The following SLC43A2 variants were observed in gnomAD, a reference collection of about 807,000 sequenced individuals.
The protein encoded by SLC43A2 is large neutral amino acids transporter small subunit 4.
A neutral mutation model predicts 63.2 loss-of-function variants in SLC43A2; 38 were observed. The observed-to-expected ratio is 0.60, with a 90% CI of 0.46 to 0.79. The LOEUF (loss-of-function observed/expected upper bound fraction) is 0.79, where lower values mean the gene tolerates loss of function less well. SLC43A2 is among the 30% of genes least tolerant of loss of function. The probability of loss-of-function intolerance (pLI) is 0.00; values close to 1 mark genes in which losing one functional copy is unlikely to be tolerated. For missense variants in SLC43A2, 644 were observed against 756.2 expected, an observed-to-expected ratio of 0.85 and a Z score of 1.74; for synonymous variants, 322 against 331.0, an observed-to-expected ratio of 0.97 and a Z score of 0.30.
chr17:1,605,659 C>T lies in SLC43A2; in HGVS notation c.501+7536G>A, dbSNP rs886121167. Among the ~76,000 whole-genome samples, 23 of 152,020 alleles carry T rather than the reference C, an allele frequency of 1.5e-4. No homozygotes were observed. The highest frequency in any genetic ancestry group is 2.9e-4 in the Non-Finnish European group (20 of 67,996). Reference sequence around the variant, plus strand: ...GGCATTCTGGCCCTCGGGTCCCCTCCAGAGGGAGCCTTGTCCCCAAGTGGC... The same window carrying T: ...GGCATTCTGGCCCTCGGGTCCCCTCTAGAGGGAGCCTTGTCCCCAAGTGGC... On this transcript the variant is annotated intron_variant, in intron 5 of 13. Coordinates refer to ENST00000301335, the MANE Select transcript of SLC43A2 (RefSeq NM_152346.3). The surrounding 1 kb of genome is among the most constrained non-coding windows in gnomAD (Gnocchi z 4.9).
At chr17:1,618,513 G>A (rs1369637916) in intron 2 of SLC43A2, among the ~76,000 whole-genome samples, 1 of 152,240 alleles carries the variant, frequency 6.6e-6, no homozygotes, top group African/African-American at 2.4e-5. Flanking sequence ...AGCTGGCACA[G>A]AGCCGGATGC....
At position 1,578,428 on chromosome 17, in the gene SLC43A2, C is replaced by T. The variant is rs1290600866; in HGVS notation, c.1351-105G>A. 6.2e-6 allele frequency: 7 copies of T among 1,127,508 alleles called. No individual in the cohort carries two copies. The highest frequency in any genetic ancestry group is 3.1e-5 in the African/African-American group (2 of 64,368). The allele number at this position is 1,127,508 out of a possible 1,614,324, so 69.8% of individuals were successfully genotyped here. A position where few individuals can be genotyped will look rare whatever the true frequency, so the allele number is the denominator to read the frequency against. ...CCCTCACCCCAGGGGCAGTGTCAGC[C>T]TGGAGTTGGATCAACCCCATCCTCC... On this transcript the variant is annotated intron_variant, in intron 11 of 13. Coordinates refer to ENST00000301335, the MANE Select transcript of SLC43A2 (RefSeq NM_152346.3). This position sits in a 1 kb window ranked among gnomAD's most constrained non-coding sequence, Gnocchi z 6.5.
chr17:1,618,644 A>C (rs2151077895), intron 2 of SLC43A2, among the ~76,000 whole-genome samples: 2 of 152,334 alleles, frequency 1.3e-5, no homozygotes, highest in Admixed American at 1.3e-4. Context: ...CTGTGTCCCC[A>C]GTATCTCACC....
At chr17:1,584,385 G>T (rs2076069110) in intron 10 of SLC43A2, among the ~76,000 whole-genome samples, 1 of 152,106 alleles carries the variant, frequency 6.6e-6, no homozygotes, top group African/African-American at 2.4e-5. Context: ...TCCCTCATCT[G>T]TAAAATGGGT....
intron 11 of SLC43A2, among the ~76,000 whole-genome samples, chr17:1,579,513 G>A (rs6502796): frequency 0.85 from 128,411 of 151,500 alleles, 55,140 homozygotes; most frequent in Middle Eastern, 0.96. Flanking sequence ...TTATATTAAA[G>A]TAAAGGTAAT....
At chr17:1,613,351 G>T in intron 4 of SLC43A2, 80 bp from the exon 5 acceptor site, 1 of 1,287,776 alleles carries the variant, frequency 7.8e-7, no homozygotes, top group Non-Finnish European at 1.1e-6. Context: ...AGTCCTGCGC[G>T]GTGCAGGCTC....
intron 4 of SLC43A2, 34 bp downstream of exon 4, chr17:1,614,945 T>A: frequency 6.2e-7 from 1 of 1,610,008 alleles, no homozygotes; most frequent in Non-Finnish European, 8.5e-7. Flanking sequence ...CTCTCCCCGG[T>A]CCCTGACAGA....
At position 1,583,544 on chromosome 17, in the gene SLC43A2, G is replaced by T; in HGVS notation, c.1218-208C>A. On this transcript the variant is annotated intron_variant, in intron 10 of 13. Transcript: ENST00000301335. This position sits in a 1 kb window ranked among gnomAD's most constrained non-coding sequence, Gnocchi z 5.5. Reference sequence around the variant, plus strand: ...AGTGGCAAGCTGAGTGTGACTCTCGGAGGGGGTCTCGGGTACAAGAAGATG... The same window carrying T: ...AGTGGCAAGCTGAGTGTGACTCTCGTAGGGGGTCTCGGGTACAAGAAGATG... 1 of 758,690 alleles carries T rather than the reference G, an allele frequency of 1.3e-6. No homozygotes were observed. Among genetic ancestry groups the T allele is most frequent in the Non-Finnish European group, 2.0e-6 (1 of 492,692 alleles). 47.0% of individuals were successfully genotyped at this position (758,690 alleles called of 1,614,324 possible).
At position 1,605,432 on chromosome 17, in the gene SLC43A2, G is replaced by A. The variant is rs916613348; in HGVS notation, c.501+7763C>T. 6.6e-6 allele frequency among the ~76,000 whole-genome samples: 1 copy of A among 152,184 alleles called. No individual in the cohort carries two copies. Among genetic ancestry groups the A allele is most frequent in the Non-Finnish European group, 1.5e-5 (1 of 68,034 alleles). ...CTTCTCTAAGATGCCGGACGTACGT[G>A]CCTTTTGGCCCAGGGCAGGCCATGG... On this transcript the variant is annotated intron_variant, in intron 5 of 13. Transcript: ENST00000301335. The surrounding 1 kb of genome is among the most constrained non-coding windows in gnomAD (Gnocchi z 4.9).
chr17:1,629,122 C>T (rs1301685752), upstream of SLC43A2, among the ~76,000 whole-genome samples: 2 of 152,176 alleles, frequency 1.3e-5, no homozygotes, highest in Non-Finnish European at 2.9e-5. Context: ...GCCTCTCCAG[C>T]GGCCTGACCC....
At chr17:1,576,362 G>A (rs1399577622) in intron 13 of SLC43A2, among the ~76,000 whole-genome samples, 2 of 152,116 alleles carry the variant, frequency 1.3e-5, no homozygotes, top group Non-Finnish European at 2.9e-5. Context: ...GGGATTACAG[G>A]TGTGAGCCAC....
chr17:1,572,390 G>C lies in SLC43A2; in HGVS notation c.*3214C>G, dbSNP rs2075859775. The C allele has an allele frequency of 6.6e-6, 1 of 152,166 alleles. No individual in the cohort carries two copies. Among genetic ancestry groups the C allele is most frequent in the African/African-American group, 2.4e-5 (1 of 41,402 alleles). 9.4% of individuals were successfully genotyped at this position (152,166 alleles called of 1,614,324 possible). On this transcript the variant is annotated 3_prime_UTR_variant, in exon 14 of 14. Transcript: ENST00000301335. The stretch of plus-strand genomic sequence containing the variant: ...GCCCTTGGCTGCTCCAGTGTCTTAA[G>C]ACCCATATATGAGTGCTGGCTCTGA...
At chr17:1,580,102 T>C (rs2075989662) in intron 11 of SLC43A2, among the ~76,000 whole-genome samples, 1 of 152,130 alleles carries the variant, frequency 6.6e-6, no homozygotes, top group Non-Finnish European at 1.5e-5. Flanking sequence ...AATTTTTGTA[T>C]TTTTTGTAGA....
Position 1,591,450 on chromosome 17 carries a change from C to A in SLC43A2, c.750G>T (p.Trp250Cys). ...CTGTGATCTTGTGGTCAAAGCCCAG[C>A]CAGCTGAACTTGATCTTCACCCTGG... Reference protein sequence around the residue: ...MDYSVKIKFSWLGFDHKITGK... With the variant: ...MDYSVKIKFSCLGFDHKITGK... The change falls in exon 8 of 14, where the codon TGG becomes TGT. Residue 250 changes from tryptophan (W) to cysteine (C), a missense_variant. Trp to Cys is a radical substitution (Grantham distance 215, BLOSUM62 -2). Around this residue, in one of 3 missense-constraint regions of SLC43A2, gnomAD observed 528 missense variants for 623.6 expected, o/e 0.85. Transcript: ENST00000301335. The A allele has an allele frequency of 1.2e-6, 2 of 1,613,238 alleles. No individual in the cohort carries two copies. The highest frequency in any genetic ancestry group is 1.7e-6 in the Non-Finnish European group (2 of 1,179,924).
At position 1,613,656 on chromosome 17, in the gene SLC43A2, C is replaced by T. The variant is rs573740682; in HGVS notation, c.425-385G>A. Reference sequence around the variant, plus strand: ...CTTGCCATGTTGGCCAGGCTGGTCTCGAACTCCTGGCCTCGGGTGATCTGC... The same window carrying T: ...CTTGCCATGTTGGCCAGGCTGGTCTTGAACTCCTGGCCTCGGGTGATCTGC... On this transcript the variant is annotated intron_variant, in intron 4 of 13. Transcript: ENST00000301335. 1.8e-4 allele frequency among the ~76,000 whole-genome samples: 27 copies of T among 152,244 alleles called. No individual in the cohort carries two copies. The South Asian group carries it at 5.4e-3, about 30-fold the overall frequency.
chr17:1,591,735 G>GGGGGGGGGGGGGC, intron 6 of SLC43A2, 36 bp from the exon 7 acceptor site: 1 of 652,928 alleles, frequency 1.5e-6, no homozygotes, highest in Non-Finnish European at 2.5e-6. Flanking sequence ...GGGGGGGGGA[G>GGGGGGGGGGGGGC]GGGGCAGAGT....
chr17:1,604,623 C>T (rs1055783502), intron 5 of SLC43A2: 2 of 1,123,756 alleles, frequency 1.8e-6, no homozygotes. Context: ...ATCTGCCCAC[C>T]TCAGCCTCCT....
At position 1,605,121 on chromosome 17, in the gene SLC43A2, T is replaced by C; in HGVS notation, c.501+8074A>G. ...GCCCCTCTTCCCGCCCTCAGGTGCT[T>C]CCCACAGCCCCCTCGCCGCCTCTGC... On this transcript the variant is annotated intron_variant, in intron 5 of 13. Transcript: ENST00000301335. The surrounding 1 kb of genome is among the most constrained non-coding windows in gnomAD (Gnocchi z 4.9). 1 of 1,310,026 alleles carries C rather than the reference T, an allele frequency of 7.6e-7. No individual in the cohort carries two copies. The highest frequency in any genetic ancestry group is 9.8e-7 in the Non-Finnish European group (1 of 1,023,654). The allele number at this position is 1,310,026 out of a possible 1,614,324, so 81.2% of individuals were successfully genotyped here.
intron 5 of SLC43A2, among the ~76,000 whole-genome samples, chr17:1,608,206 C>G (rs1906789921): frequency 6.8e-6 from 1 of 147,320 alleles, no homozygotes; most frequent in African/African-American, 2.5e-5. Context: ...GACTCCTGCT[C>G]TAGATCAAAA....
Sources: gnomAD v4.1 joint callset for allele counts (sites outside exome capture counted in the v4.1 genomes callset) on GRCh38, gnomAD v4.1.1 for gene constraint, gnomAD v4.1.1 regional missense constraint, Gnocchi (gnomAD v3.1) non-coding constraint, MANE v1.5 for transcripts, NCBI Gene and HGNC (gene_info 2026-07-23, HGNC 2026-07-21) for gene names.